The following PAPPA2 variants were observed in gnomAD, a reference collection of about 807,000 sequenced individuals.
PAPPA2 encodes pappalysin-2.
Under a neutral mutation model 176.4 loss-of-function variants are expected in PAPPA2, and 86 were observed. That is an observed-to-expected ratio of 0.49 (90% confidence interval 0.41 to 0.58). PAPPA2 has a LOEUF of 0.58. Among genes scored for constraint, PAPPA2 ranks in the 20% least tolerant of loss-of-function variants. The probability of loss-of-function intolerance (pLI) is 0.00; values close to 1 mark genes in which losing one functional copy is unlikely to be tolerated. For synonymous variants in PAPPA2, 809 were observed against 852.2 expected, an observed-to-expected ratio of 0.95 and a Z score of 0.88; for missense variants, 2,073 against 2,256.9, an observed-to-expected ratio of 0.92 and a Z score of 1.65.
At chr1:176,789,719 C>A in intron 17 of PAPPA2, 90 bp from the exon 18 acceptor site, 1 of 1,431,770 alleles carries the variant, frequency 7.0e-7, no homozygotes, top group Non-Finnish European at 9.6e-7. Context: ...TGCCTATTTG[C>A]TAATTCTTAT....
intron 3 of PAPPA2, among the ~76,000 whole-genome samples, chr1:176,661,054 T>C (rs1658331859): frequency 6.6e-6 from 1 of 152,124 alleles, no homozygotes; most frequent in South Asian, 2.1e-4. Flanking sequence ...CTTATGATTC[T>C]GGAGACTAAT....
intron 21 of PAPPA2, among the ~76,000 whole-genome samples, chr1:176,816,596 G>C (rs1216894265): frequency 6.7e-6 from 1 of 150,178 alleles, no homozygotes; most frequent in Admixed American, 6.6e-5. Context: ...CATCTCTCCT[G>C]TTGTCTTTTT....
At chr1:176,738,425 G>C (rs892251781) in intron 12 of PAPPA2, among the ~76,000 whole-genome samples, 3 of 152,056 alleles carry the variant, frequency 2.0e-5, no homozygotes, top group Non-Finnish European at 4.4e-5. Context: ...CCAAGGCTCA[G>C]GAAAAATGAG....
intron 21 of PAPPA2, among the ~76,000 whole-genome samples, chr1:176,828,480 C>G (rs1292649953): frequency 6.6e-6 from 1 of 150,696 alleles, no homozygotes; most frequent in Non-Finnish European, 1.5e-5. Flanking sequence ...TGTTACAGAT[C>G]TATAATATAG....
At chr1:176,604,608 G>A (rs1235671546) in intron 3 of PAPPA2, among the ~76,000 whole-genome samples, 1 of 152,146 alleles carries the variant, frequency 6.6e-6, no homozygotes, top group Non-Finnish European at 1.5e-5. Flanking sequence ...CAAAGACCAT[G>A]TGGCCCACAA....
intron 21 of PAPPA2, 123 bp from the exon 22 acceptor site, chr1:176,840,050 C>T: frequency 1.4e-6 from 1 of 737,810 alleles, no homozygotes; most frequent in East Asian, 2.6e-5. Context: ...GTGTCCTGCA[C>T]CTTGGGTGCT....
At chr1:176,685,055 T>C (rs1659768219) in intron 4 of PAPPA2, among the ~76,000 whole-genome samples, 1 of 150,996 alleles carries the variant, frequency 6.6e-6, no homozygotes, top group South Asian at 2.1e-4. Context: ...CTGGGAGGTC[T>C]GTCCAATTTA....
chr1:176,840,615 A>T (rs1174649891), intron 22 of PAPPA2, among the ~76,000 whole-genome samples: 5 of 152,148 alleles, frequency 3.3e-5, no homozygotes, highest in Non-Finnish European at 5.9e-5. Flanking sequence ...ACAAACTGCT[A>T]TTCAGTTACT....
At chr1:176,755,346 G>T (rs903347567) in intron 14 of PAPPA2, among the ~76,000 whole-genome samples, 1 of 152,166 alleles carries the variant, frequency 6.6e-6, no homozygotes, top group Non-Finnish European at 1.5e-5. Context: ...CTTCCATTTA[G>T]CCGTAGCTTA....
intron 1 of PAPPA2, among the ~76,000 whole-genome samples, chr1:176,511,222 T>C (rs1648581715): frequency 6.6e-6 from 1 of 152,184 alleles, no homozygotes; most frequent in South Asian, 2.1e-4. Flanking sequence ...ATGAAAGCTG[T>C]AATTCATATA....
chr1:176,801,096 C>A (rs1016921870), intron 21 of PAPPA2, among the ~76,000 whole-genome samples: 4 of 131,388 alleles, frequency 3.0e-5, no homozygotes, highest in Non-Finnish European at 6.4e-5. Context: ...TGCTTACACA[C>A]ACACACACGC....
chr1:176,829,694 C>T (rs536928458), intron 21 of PAPPA2, among the ~76,000 whole-genome samples: 3 of 152,328 alleles, frequency 2.0e-5, no homozygotes, highest in South Asian at 4.1e-4. Context: ...CTGACTTGTA[C>T]CTGTCTCCTC....
chr1:176,690,500 G>A, intron 5 of PAPPA2, 70 bp downstream of exon 5: 3 of 1,574,612 alleles, frequency 1.9e-6, no homozygotes, highest in Admixed American at 1.7e-5. Context: ...GGAGGGTGGA[G>A]GTGTGGGAGC....
intron 6 of PAPPA2, among the ~76,000 whole-genome samples, chr1:176,692,780 AC>A (rs955093387): frequency 4.6e-5 from 7 of 152,176 alleles, no homozygotes; most frequent in Non-Finnish European, 1.0e-4. Flanking sequence ...TCCCTGACTT[AC>A]GTAGGTGCTT....
At chr1:176,471,029 T>C (rs1188204040) in intron 1 of PAPPA2, among the ~76,000 whole-genome samples, 1 of 152,164 alleles carries the variant, frequency 6.6e-6, no homozygotes, top group Non-Finnish European at 1.5e-5. Flanking sequence ...CTTTTACAGA[T>C]AGTAGGTGAT....
chr1:176,727,022 A>G (rs1015817882), intron 12 of PAPPA2, among the ~76,000 whole-genome samples: 7 of 152,202 alleles, frequency 4.6e-5, no homozygotes, highest in African/African-American at 1.7e-4. Context: ...GTAGATTGCA[A>G]TAAGCTAGAG....
intron 1 of PAPPA2, among the ~76,000 whole-genome samples, chr1:176,521,023 A>G (rs1649186617): frequency 6.6e-6 from 1 of 152,098 alleles, no homozygotes. Context: ...CAAGAGCTTG[A>G]AAGTAGAGGG....
At chr1:176,728,738 A>G (rs1661995626) in intron 12 of PAPPA2, among the ~76,000 whole-genome samples, 1 of 151,964 alleles carries the variant, frequency 6.6e-6, no homozygotes, top group African/African-American at 2.4e-5. Context: ...AATACATCAT[A>G]AAATTATAGT....
At chr1:176,563,909 C>CA (rs35479048) in intron 2 of PAPPA2, among the ~76,000 whole-genome samples, 1 of 151,430 alleles carries the variant, frequency 6.6e-6, no homozygotes, top group Non-Finnish European at 1.5e-5. Context: ...CTGGAGGACT[C>CA]AAAAAGGCCT....
Sources: gnomAD v4.1 joint callset for allele counts (sites outside exome capture counted in the v4.1 genomes callset) on GRCh38, gnomAD v4.1.1 for gene constraint, MANE v1.5 for transcripts, NCBI Gene and HGNC (gene_info 2026-07-23, HGNC 2026-07-21) for gene names.